Variants in EML4 observed in about 807,000 individuals in gnomAD.
EML4 encodes the protein EMAP like 4, also known as echinoderm microtubule-associated protein-like 4.
EML4 carries 72 observed loss-of-function variants against 129.0 expected under a neutral mutation model. The ratio of observed to expected loss-of-function variants is 0.56; its 90% CI spans 0.46 to 0.68. EML4 has a LOEUF of 0.68. Ranked by LOEUF, EML4 falls within the 30% of genes least tolerant of loss-of-function variation. EML4 has a pLI of 0.00. For missense variants in EML4, 1,363 were observed against 1,190.6 expected, an observed-to-expected ratio of 1.14 and a Z score of -2.13; for synonymous variants, 532 against 405.0, an observed-to-expected ratio of 1.31 and a Z score of -3.77.
intron 6 of EML4, among the ~76,000 whole-genome samples, chr2:42,265,973 T>C (rs1226590115): frequency 6.6e-6 from 1 of 152,264 alleles, no homozygotes; most frequent in East Asian, 1.9e-4. Context: ...TGAAGCATGC[T>C]GTTCTTAATG....
At chr2:42,241,578 T>C (rs1675034710) in intron 1 of EML4, among the ~76,000 whole-genome samples, 1 of 152,210 alleles carries the variant, frequency 6.6e-6, no homozygotes, top group Non-Finnish European at 1.5e-5. Context: ...CTTATCCTGT[T>C]CCAATCTATT....
At chr2:42,266,454 C>G (rs1351165720) in intron 6 of EML4, among the ~76,000 whole-genome samples, 1 of 152,178 alleles carries the variant, frequency 6.6e-6, no homozygotes, top group Non-Finnish European at 1.5e-5. Flanking sequence ...AAGCAGTCCT[C>G]TCACTGAAGC....
At chr2:42,262,606 T>G (rs963514530) in intron 4 of EML4, among the ~76,000 whole-genome samples, 4 of 152,224 alleles carry the variant, frequency 2.6e-5, no homozygotes, top group Non-Finnish European at 4.4e-5. Context: ...AAAAATCATT[T>G]GTAAAGAAAC....
chr2:42,256,299 A>T (rs1287869624), intron 2 of EML4, among the ~76,000 whole-genome samples: 1 of 152,160 alleles, frequency 6.6e-6, no homozygotes, highest in Non-Finnish European at 1.5e-5. Flanking sequence ...GCTTTCCTAT[A>T]GGTCTGTTTC....
At chr2:42,284,782 C>A (rs1667196996) in intron 9 of EML4, 79 bp downstream of exon 9, 17 of 1,045,124 alleles carry the variant, frequency 1.6e-5, no homozygotes, top group Non-Finnish European at 2.3e-5. Flanking sequence ...TTAACCACAA[C>A]TCATTTGTTT....
At chr2:42,257,209 T>C (rs910586597) in intron 3 of EML4, among the ~76,000 whole-genome samples, 1 of 152,120 alleles carries the variant, frequency 6.6e-6, no homozygotes, top group Non-Finnish European at 1.5e-5. Context: ...TTGCATTCTT[T>C]ATGTTCTTTT....
At chr2:42,264,104 T>TTTG (rs1491300239) in intron 5 of EML4, among the ~76,000 whole-genome samples, 2 of 3,168 alleles carry the variant, frequency 6.3e-4, no homozygotes, top group Admixed American at 5.6e-3. Context: ...ACAATACGTG[T>TTTG]TTTTTTTTTT....
intron 1 of EML4, among the ~76,000 whole-genome samples, chr2:42,211,765 T>G (rs953007611): frequency 6.6e-6 from 1 of 152,204 alleles, no homozygotes; most frequent in African/African-American, 2.4e-5. Flanking sequence ...CCCCTTGTCT[T>G]GGTGGGTAAT....
chr2:42,322,760 CT>C (rs1244993878), intron 19 of EML4, among the ~76,000 whole-genome samples: 2 of 152,198 alleles, frequency 1.3e-5, no homozygotes, highest in Admixed American at 6.5e-5. Flanking sequence ...TGTGCATACA[CT>C]TTGCATTAGC....
chr2:42,191,794 T>A (rs1216987232), intron 1 of EML4, among the ~76,000 whole-genome samples: 1 of 152,188 alleles, frequency 6.6e-6, no homozygotes, highest in East Asian at 1.9e-4. Context: ...GCGTGGTGGC[T>A]CACGCCTATA....
intron 1 of EML4, among the ~76,000 whole-genome samples, chr2:42,181,970 A>G (rs532962107): frequency 6.6e-6 from 1 of 152,288 alleles, no homozygotes; most frequent in East Asian, 1.9e-4. Context: ...ATATAGTTAC[A>G]GCTATATTTT....
chr2:42,316,162 A>C, intron 18 of EML4, 112 bp downstream of exon 18: 1 of 657,372 alleles, frequency 1.5e-6, no homozygotes, highest in Non-Finnish European at 2.6e-6. Flanking sequence ...TAGAGTTGTT[A>C]AGTATTAAAT....
chr2:42,190,617 C>CA (rs1278270085), intron 1 of EML4, among the ~76,000 whole-genome samples: 3 of 152,116 alleles, frequency 2.0e-5, no homozygotes, highest in Admixed American at 1.3e-4. Flanking sequence ...TATCACATCT[C>CA]AGACATTGGA....
Position 42,295,146 on chromosome 2 carries a change from G to T in EML4, c.1240G>T (p.Ala414Ser). Residue 414 changes from alanine to serine, a missense_variant, in exon 12 of 23, where the codon GCT (alanine) becomes TCT (serine). Transcript: ENST00000318522. ...ATAGACAACAAATGAAGTTGTTTTG[G>T]CTGTGGAGTTTCACCCAACAGATGC... ...EIKTTNEVVL[A>S]VEFHPTDANT... 6.2e-7 allele frequency: 1 copy of T among 1,611,376 alleles called. No individual in the cohort carries two copies. The highest frequency in any genetic ancestry group is 8.5e-7 in the Non-Finnish European group (1 of 1,179,172).
At chr2:42,189,948 A>G (rs1172998519) in intron 1 of EML4, among the ~76,000 whole-genome samples, 1 of 152,044 alleles carries the variant, frequency 6.6e-6, no homozygotes, top group East Asian at 1.9e-4. Context: ...CGAAGTCAAA[A>G]TTCCCAATCT....
chr2:42,311,786 C>A (rs987704762), intron 17 of EML4, among the ~76,000 whole-genome samples: 1 of 152,186 alleles, frequency 6.6e-6, no homozygotes, highest in African/African-American at 2.4e-5. Flanking sequence ...GAGTTACATT[C>A]TCAGAAGAAA....
intron 1 of EML4, among the ~76,000 whole-genome samples, chr2:42,178,875 T>C (rs1398010841): frequency 2.0e-5 from 3 of 152,202 alleles, no homozygotes; most frequent in African/African-American, 7.2e-5. Flanking sequence ...TGAAATCTAT[T>C]TAACTTTAAA....
At chr2:42,229,646 GAAGTA>G (rs1387608644) in intron 1 of EML4, among the ~76,000 whole-genome samples, 2 of 152,082 alleles carry the variant, frequency 1.3e-5, no homozygotes, top group Non-Finnish European at 1.5e-5. Context: ...ATCAGGGAGG[GAAGTA>G]AAGTAGATTT....
At chr2:42,234,454 C>A (rs527816391) in intron 1 of EML4, among the ~76,000 whole-genome samples, 2 of 152,212 alleles carry the variant, frequency 1.3e-5, no homozygotes, top group Admixed American at 1.3e-4. Flanking sequence ...TTAAGAATTT[C>A]TGACCAGGTA....
Sources: allele counts gnomAD v4.1 joint callset (sites outside exome capture counted in the v4.1 genomes callset), GRCh38; gene constraint gnomAD v4.1.1; transcripts MANE v1.5; gene names NCBI Gene and HGNC (gene_info 2026-07-23, HGNC 2026-07-21).